Variants in NOX4 observed in about 807,000 individuals in gnomAD.
The protein encoded by NOX4 is NADPH oxidase 4, also known as kidney oxidase-1.
A neutral mutation model predicts 87.6 loss-of-function variants in NOX4; 69 were observed. The observed-to-expected ratio is 0.79, with a 90% CI of 0.65 to 0.96. The LOEUF (loss-of-function observed/expected upper bound fraction) is 0.96. NOX4 is among the 40% of genes least tolerant of loss of function. The probability of loss-of-function intolerance (pLI) is 0.00; values close to 1 mark genes in which losing one functional copy is unlikely to be tolerated. For synonymous variants in NOX4, 275 were observed against 238.2 expected (o/e 1.15, Z -1.42); for missense variants, 680 against 681.5 (o/e 1.00, Z 0.02).
At chr11:89,531,531 C>G in the NOX4 span, among the ~76,000 whole-genome samples, 2 of 152,150 alleles carry the variant, frequency 1.3e-5, no homozygotes. Context: ...AATCTCATCT[C>G]AAATTGTAAT....
Position 89,396,249 on chromosome 11 carries a change from T to C in NOX4, c.1074+3768A>G, listed in dbSNP as rs528735013. Among the ~76,000 whole-genome samples the C allele has an allele frequency of 2.2e-3, 334 of 152,268 alleles. 1 individual carries two copies. Among genetic ancestry groups the C allele is most frequent in the African/African-American group, 7.6e-3 (316 of 41,558 alleles). On this transcript the variant is annotated intron_variant, in intron 11 of 17. Transcript: ENST00000263317. ...CTTGTAAGTTGGATTCCTAGGTATT[T>C]TATTCTCTTTGAAGCAATTGTGAAT...
the NOX4 span, among the ~76,000 whole-genome samples, chr11:89,517,077 G>T: frequency 6.6e-6 from 1 of 151,918 alleles, no homozygotes; most frequent in Non-Finnish European, 1.5e-5. Context: ...ATTGAAATAT[G>T]CAAAGGGCTT....
intron 7 of NOX4, among the ~76,000 whole-genome samples, chr11:89,426,071 A>T (rs1415561603): frequency 6.6e-6 from 1 of 152,192 alleles, no homozygotes; most frequent in Non-Finnish European, 1.5e-5. Context: ...GATAATGTGT[A>T]TCTGATTTTG....
chr11:89,500,533 T>C (rs537037340), upstream of NOX4, among the ~76,000 whole-genome samples: 1 of 152,290 alleles, frequency 6.6e-6, no homozygotes, highest in African/African-American at 2.4e-5. Flanking sequence ...TTACTTGTTT[T>C]AGCCTCTCTT....
chr11:89,346,232 GAA>G (rs1284222056), intron 13 of NOX4, among the ~76,000 whole-genome samples: 2 of 151,386 alleles, frequency 1.3e-5, no homozygotes, highest in Admixed American at 6.6e-5. Flanking sequence ...AACATGGTTT[GAA>G]AAAAAACCAA....
chr11:89,507,971 G>C, the NOX4 span, among the ~76,000 whole-genome samples: 1 of 151,910 alleles, frequency 6.6e-6, no homozygotes, highest in South Asian at 2.1e-4. Context: ...ACATTCAAAA[G>C]TTATATTTGC....
At chr11:89,333,909 T>G (rs564411027) in intron 17 of NOX4, among the ~76,000 whole-genome samples, 10 of 151,904 alleles carry the variant, frequency 6.6e-5, no homozygotes, top group Non-Finnish European at 1.3e-4. Context: ...GGTGCACATT[T>G]GCTCTTCTTA....
rs1400389871 is a variant in NOX4 at position 89,324,402 on chromosome 11, A to G, written c.*2354T>C. 2 of 152,242 alleles carry G rather than the reference A, an allele frequency of 1.3e-5. No homozygotes were observed. The highest frequency in any genetic ancestry group is 3.8e-4 in the East Asian group (2 of 5,200). The allele number at this position is 152,242 out of a possible 1,614,324, so 9.4% of individuals were successfully genotyped here. A position where few individuals can be genotyped will look rare whatever the true frequency, so the allele number is the denominator to read the frequency against. ...CTAAAATTAGTGATTTAAGGCTTGTATTATAAGAATGATCCCCAGAGAAAT... is the reference window on the plus strand; with the variant it reads ...CTAAAATTAGTGATTTAAGGCTTGTGTTATAAGAATGATCCCCAGAGAAAT... On this transcript the variant is annotated 3_prime_UTR_variant, in exon 18 of 18. Coordinates refer to ENST00000263317, the MANE Select transcript of NOX4 (RefSeq NM_016931.5).
chr11:89,443,889 G>A (rs990103975), intron 5 of NOX4: 2 of 377,702 alleles, frequency 5.3e-6, no homozygotes, highest in East Asian at 4.6e-5. Flanking sequence ...GACCTGAGTG[G>A]CAACCATCTG....
chr11:89,349,717 C>A (rs931135037), intron 13 of NOX4, among the ~76,000 whole-genome samples: 2 of 152,104 alleles, frequency 1.3e-5, no homozygotes, highest in African/African-American at 4.8e-5. Flanking sequence ...TTATGAGAAC[C>A]AAGTAGAAAC....
At chr11:89,503,979 A>G in the NOX4 span, among the ~76,000 whole-genome samples, 2 of 150,948 alleles carry the variant, frequency 1.3e-5, no homozygotes, top group Admixed American at 1.3e-4. Flanking sequence ...TTACAACACA[A>G]AACACTTAAT....
chr11:89,400,533 C>T (rs1436617713), intron 9 of NOX4, among the ~76,000 whole-genome samples, 154 bp from the exon 10 acceptor site: 1 of 152,024 alleles, frequency 6.6e-6, no homozygotes, highest in Non-Finnish European at 1.5e-5. Context: ...ATAATAGATG[C>T]TCACTATCAT....
the NOX4 span, chr11:89,557,291 A>G: frequency 6.6e-6 from 1 of 152,176 alleles, no homozygotes; most frequent in Admixed American, 6.6e-5. Context: ...ATGATTTTGC[A>G]GCATGAACTT....
chr11:89,543,450 C>T, the NOX4 span, among the ~76,000 whole-genome samples: 1 of 152,014 alleles, frequency 6.6e-6, no homozygotes, highest in Non-Finnish European at 1.5e-5. Context: ...ACAGATTTAA[C>T]ATGGCTACGA....
the NOX4 span, among the ~76,000 whole-genome samples, chr11:89,574,704 A>C: frequency 6.6e-6 from 1 of 152,198 alleles, no homozygotes; most frequent in Non-Finnish European, 1.5e-5. Flanking sequence ...GCAAATAGTC[A>C]ACATTGTTAA....
the NOX4 span, among the ~76,000 whole-genome samples, chr11:89,584,879 T>C: frequency 2.0e-5 from 3 of 152,132 alleles, no homozygotes; most frequent in East Asian, 1.9e-4. Context: ...TGAAATGAAA[T>C]GATAGATTGC....
chr11:89,402,211 T>G, intron 9 of NOX4, 115 bp downstream of exon 9: 2 of 775,828 alleles, frequency 2.6e-6, no homozygotes, highest in Non-Finnish European at 4.3e-6. Flanking sequence ...TGTTGAAACA[T>G]CCTGAAATAT....
chr11:89,344,291 T>C lies in NOX4; in HGVS notation c.1218-2098A>G, dbSNP rs541772742. On this transcript the variant is annotated intron_variant, in intron 13 of 17. Coordinates refer to ENST00000263317, the MANE Select transcript of NOX4 (RefSeq NM_016931.5). ...AAAAAATTTCAAGGGTCTGGTGCAG[T>C]GGCTCACACCTGTAATCCCAGCACT... Among the ~76,000 whole-genome samples, 4 of 152,312 alleles carry C rather than the reference T, an allele frequency of 2.6e-5. No homozygotes were observed. In the South Asian group the frequency reaches 8.3e-4, roughly 32 times the overall value.
At position 89,326,817 on chromosome 11, in the gene NOX4, A is replaced by C. The variant is rs767502214; in HGVS notation, c.1676T>G (p.Leu559Arg). The C allele has an allele frequency of 4.3e-6, 7 of 1,613,136 alleles. No individual in the cohort carries two copies. Among genetic ancestry groups the C allele is most frequent in the Non-Finnish European group, 5.9e-6 (7 of 1,179,286 alleles). Residue 559 changes from leucine (L) to arginine (R), a missense_variant, in exon 18 of 18, where the codon CTG becomes CGG. Physicochemically the swap from Leu to Arg is moderately radical, Grantham distance 102. Transcript: ENST00000263317. ...PNSLSKTLHKLSNQNNSYGTR... is the reference protein window; with the variant it reads ...PNSLSKTLHKRSNQNNSYGTR... ...CCCATATGAGTTGTTCTGGTTACTC[A>C]GTTTATGAAGAGTCTTGGATAGTGA... is the stretch of plus-strand genomic sequence containing the variant.
Sources: gnomAD v4.1 joint callset for allele counts (sites outside exome capture counted in the v4.1 genomes callset) on GRCh38, gnomAD v4.1.1 for gene constraint, MANE v1.5 for transcripts, NCBI Gene and HGNC (gene_info 2026-07-23, HGNC 2026-07-21) for gene names.